The following NOP9 variants were observed in gnomAD, a reference collection of about 807,000 sequenced individuals.
The protein encoded by NOP9 is nucleolar protein 9.
NOP9 carries 50 observed loss-of-function variants against 63.0 expected under a neutral mutation model. That is an observed-to-expected ratio of 0.79 (90% confidence interval 0.63 to 1.00). The LOEUF is 1.00. Ranked by LOEUF, NOP9 falls within the 50% of genes least tolerant of loss-of-function variation. The probability of loss-of-function intolerance (pLI) is 0.00; values close to 1 mark genes in which losing one functional copy is unlikely to be tolerated. For missense variants in NOP9, 758 were observed against 803.0 expected (o/e 0.94, Z 0.68); for synonymous variants, 343 against 332.8 (o/e 1.03, Z -0.33).
chr14:24,307,183 G>A lies in NOP9; in HGVS notation c.*2088G>A, dbSNP rs1016311925. 8.7e-6 allele frequency: 5 copies of A among 571,828 alleles called. No homozygotes were observed. The highest frequency in any genetic ancestry group is 1.2e-5 in the Non-Finnish European group (4 of 331,134). 35.4% of individuals were successfully genotyped at this position (571,828 alleles called of 1,614,324 possible). The stretch of plus-strand genomic sequence containing the variant: ...TCTCCTGCTAACCCCTGCTCCCATA[G>A]AAAAGCTCACTCGGTGGAAAATGAA... On this transcript the variant is annotated 3_prime_UTR_variant, in exon 10 of 10. Transcript: ENST00000267425.
chr14:24,276,763 G>T, the NOP9 span, among the ~76,000 whole-genome samples: 409 of 152,290 alleles, frequency 2.7e-3, 2 homozygotes, highest in African/African-American at 9.1e-3. Context: ...TGATTGTAAC[G>T]GTTTACATTT....
the NOP9 span, among the ~76,000 whole-genome samples, chr14:24,274,547 A>G: frequency 5.9e-5 from 9 of 151,974 alleles, no homozygotes; most frequent in Admixed American, 5.9e-4. Context: ...AGGAGTTGTC[A>G]GGAGTTATAT....
At chr14:24,291,540 T>C in the NOP9 span, 13 of 1,613,956 alleles carry the variant, frequency 8.1e-6, no homozygotes, top group Non-Finnish European at 1.0e-5. Flanking sequence ...TATTACCAGC[T>C]GCCCCCAAAC....
the NOP9 span, among the ~76,000 whole-genome samples, chr14:24,276,029 A>C: frequency 6.6e-6 from 1 of 152,222 alleles, no homozygotes; most frequent in South Asian, 2.1e-4. Flanking sequence ...TGCCTAGTGC[A>C]ATTGAGGAAC....
chr14:24,285,549 G>T, the NOP9 span, among the ~76,000 whole-genome samples: 1 of 152,162 alleles, frequency 6.6e-6, no homozygotes, highest in Non-Finnish European at 1.5e-5. Flanking sequence ...GTAAGGCATG[G>T]GCTGTCTCTG....
intron 5 of NOP9, 110 bp from the exon 6 acceptor site, chr14:24,302,963 CT>C: frequency 7.6e-7 from 1 of 1,308,106 alleles, no homozygotes; most frequent in Non-Finnish European, 1.0e-6. Flanking sequence ...ACTGGCAATG[CT>C]TTTTATGTTT....
chr14:24,277,848 A>G, the NOP9 span, among the ~76,000 whole-genome samples: 2 of 152,136 alleles, frequency 1.3e-5, no homozygotes, highest in East Asian at 3.9e-4. Flanking sequence ...GGGGCCAGCA[A>G]GGGGAGGCAA....
the NOP9 span, among the ~76,000 whole-genome samples, chr14:24,282,715 T>A: frequency 6.6e-6 from 1 of 152,170 alleles, no homozygotes; most frequent in Non-Finnish European, 1.5e-5. Context: ...TTCCTCCCTT[T>A]GCCTACTTCC....
chr14:24,306,738 A>C lies in NOP9; in HGVS notation c.*1643A>C. The C allele has an allele frequency of 1.7e-6, 1 of 580,628 alleles. No homozygotes were observed. The highest frequency in any genetic ancestry group is 3.0e-6 in the Non-Finnish European group (1 of 329,810). The allele number at this position is 580,628 out of a possible 1,614,324, so 36.0% of individuals were successfully genotyped here. ...GACCTTTTTCCTCTTTGCTCCTACC[A>C]TGTCATTGGCATCTCCCCTTGCTCC... On this transcript the variant is annotated 3_prime_UTR_variant, in exon 10 of 10. Coordinates refer to ENST00000267425, the MANE Select transcript of NOP9 (RefSeq NM_174913.3).
the NOP9 span, among the ~76,000 whole-genome samples, chr14:24,286,782 C>CG: frequency 1.3e-5 from 2 of 151,200 alleles, no homozygotes; most frequent in Non-Finnish European, 2.9e-5. Context: ...TTAGTAGAGT[C>CG]GGGGTTTCAC....
chr14:24,277,414 G>A, the NOP9 span, among the ~76,000 whole-genome samples: 6 of 152,082 alleles, frequency 3.9e-5, no homozygotes, highest in African/African-American at 1.4e-4. Context: ...GTGCTCTGGG[G>A]AGAGGGGAGG....
the NOP9 span, among the ~76,000 whole-genome samples, chr14:24,287,781 T>G: frequency 6.6e-6 from 1 of 152,222 alleles, no homozygotes; most frequent in Non-Finnish European, 1.5e-5. Flanking sequence ...ATGCTGCTTC[T>G]TTCCTCCTGT....
chr14:24,296,376 CAAATG>C (rs2041246893), upstream of NOP9: 3 of 851,996 alleles, frequency 3.5e-6, 1 homozygote, highest in Non-Finnish European at 5.7e-6. Flanking sequence ...GTAAGTGGGA[CAAATG>C]GAATGGAAGG....
At chr14:24,295,213 G>C (rs2139096685), upstream of NOP9, among the ~76,000 whole-genome samples, 1 of 152,226 alleles carries the variant, frequency 6.6e-6, no homozygotes, top group Middle Eastern at 3.4e-3. Flanking sequence ...AAATCTGAAA[G>C]AATATATGCC....
At chr14:24,277,223 G>A in the NOP9 span, among the ~76,000 whole-genome samples, 3 of 152,238 alleles carry the variant, frequency 2.0e-5, no homozygotes, top group Non-Finnish European at 4.4e-5. Context: ...GAACATGGGC[G>A]TGGGGAGGGA....
the NOP9 span, among the ~76,000 whole-genome samples, chr14:24,284,798 G>C: frequency 3.3e-5 from 5 of 152,094 alleles, no homozygotes; most frequent in Non-Finnish European, 7.4e-5. Flanking sequence ...AAAGGGAAAG[G>C]GCAGCCCTGG....
chr14:24,299,204 G>A (rs1594614192), upstream of NOP9: 1 of 1,396,132 alleles, frequency 7.2e-7, no homozygotes, highest in East Asian at 2.5e-5. Context: ...GGGGGGTAGG[G>A]GAGAACCTCA....
chr14:24,292,871 G>A, the NOP9 span: 1 of 1,487,714 alleles, frequency 6.7e-7, no homozygotes, highest in African/African-American at 1.4e-5. Flanking sequence ...CCTGCCTTCT[G>A]GTGGTTGTTG....
chr14:24,273,732 G>A, the NOP9 span, among the ~76,000 whole-genome samples: 1 of 152,236 alleles, frequency 6.6e-6, no homozygotes, highest in Non-Finnish European at 1.5e-5. Flanking sequence ...ATTACAGGTA[G>A]GAGGCAGTAA....
Sources: allele counts gnomAD v4.1 joint callset (sites outside exome capture counted in the v4.1 genomes callset), GRCh38; gene constraint gnomAD v4.1.1; transcripts MANE v1.5; gene names NCBI Gene and HGNC (gene_info 2026-07-23, HGNC 2026-07-21).